The following CHL1 variants were observed in gnomAD, a reference collection of about 807,000 sequenced individuals.
CHL1 encodes the protein cell adhesion molecule L1 like.
A neutral mutation model predicts 141.9 loss-of-function variants in CHL1; 96 were observed. The observed-to-expected ratio is 0.68, with a 90% CI of 0.57 to 0.80. CHL1 has a LOEUF of 0.80. CHL1 is among the 30% of genes least tolerant of loss of function. The pLI is 0.00. For missense variants in CHL1, 1,820 were observed against 1,457.2 expected (o/e 1.25, Z -4.05); for synonymous variants, 613 against 502.2 (o/e 1.22, Z -2.95).
chr3:313,506 A>G (rs1226772852), intron 2 of CHL1, among the ~76,000 whole-genome samples: 2 of 152,196 alleles, frequency 1.3e-5, no homozygotes, highest in African/African-American at 4.8e-5. Context: ...TAGAGCCATT[A>G]GAGAACCATA....
At chr3:233,225 C>A (rs1574796280) in intron 1 of CHL1, among the ~76,000 whole-genome samples, 1 of 152,152 alleles carries the variant, frequency 6.6e-6, no homozygotes, top group African/African-American at 2.4e-5. Context: ...TGCGATCCAA[C>A]TTTTCAGCCT....
chr3:251,847 T>G (rs1317415136), intron 2 of CHL1, among the ~76,000 whole-genome samples: 1 of 152,172 alleles, frequency 6.6e-6, no homozygotes, highest in African/African-American at 2.4e-5. Context: ...AAAAAGCCTT[T>G]AAAGTGTTTC....
At chr3:275,199 G>C (rs1226145696) in intron 2 of CHL1, among the ~76,000 whole-genome samples, 1 of 152,194 alleles carries the variant, frequency 6.6e-6, no homozygotes, top group African/African-American at 2.4e-5. Flanking sequence ...GCTGCTAAGT[G>C]GTAGGGGTCA....
At chr3:293,515 A>T (rs751059691) in intron 2 of CHL1, among the ~76,000 whole-genome samples, 8 of 152,166 alleles carry the variant, frequency 5.3e-5, no homozygotes, top group Admixed American at 2.0e-4. Context: ...AAAAAATTTT[A>T]AAAAAACCCT....
intron 1 of CHL1, among the ~76,000 whole-genome samples, chr3:203,176 A>G (rs866279255): frequency 2.4e-4 from 37 of 152,392 alleles, no homozygotes; most frequent in South Asian, 8.3e-4. Flanking sequence ...AAGAGGCACC[A>G]TAGTCTATAT....
chr3:356,184 G>C (rs943457908), intron 11 of CHL1, among the ~76,000 whole-genome samples: 2 of 152,158 alleles, frequency 1.3e-5, no homozygotes, highest in African/African-American at 4.8e-5. Flanking sequence ...ATAATAATGA[G>C]GTTTTGGGTA....
intron 2 of CHL1, among the ~76,000 whole-genome samples, chr3:304,674 A>T (rs1010742451): frequency 6.6e-6 from 1 of 151,580 alleles, no homozygotes; most frequent in Non-Finnish European, 1.5e-5. Context: ...TATTTTGTTG[A>T]GTTTTTCAAT....
At chr3:238,763 A>G (rs1157665948) in intron 1 of CHL1, among the ~76,000 whole-genome samples, 4 of 55,942 alleles carry the variant, frequency 7.2e-5, no homozygotes, top group African/African-American at 1.6e-4. Context: ...CGTCTCTACT[A>G]AAAATACAAA....
intron 20 of CHL1, among the ~76,000 whole-genome samples, chr3:389,845 G>C (rs1355696664): frequency 6.6e-6 from 1 of 152,136 alleles, no homozygotes; most frequent in Non-Finnish European, 1.5e-5. Flanking sequence ...AGAGCCACTT[G>C]CTCTCATGCC....
intron 27 of CHL1, among the ~76,000 whole-genome samples, chr3:403,254 A>G (rs978344449): frequency 2.6e-5 from 4 of 152,186 alleles, no homozygotes; most frequent in South Asian, 4.1e-4. Context: ...GCCAGGGAGC[A>G]AGAGAGAGCA....
At chr3:349,256 A>G (rs1405141915) in intron 9 of CHL1, 103 bp from the exon 10 acceptor site, 1 of 908,462 alleles carries the variant, frequency 1.1e-6, no homozygotes, top group East Asian at 2.6e-5. Flanking sequence ...GAATATGAGC[A>G]CATGTGTAAA....
chr3:212,757 T>C (rs1700006027), intron 1 of CHL1, among the ~76,000 whole-genome samples: 1 of 152,176 alleles, frequency 6.6e-6, no homozygotes, highest in Non-Finnish European at 1.5e-5. Flanking sequence ...AGCTCACTGC[T>C]CTTGTCTTCT....
chr3:205,105 T>TTTCC lies in CHL1; in HGVS notation c.-175+8044_-175+8045insCCTT, dbSNP rs1553567132. Reference sequence around the variant, plus strand: ...TTTTTCCTTTTTCTTTCTTTCTTTCTTTTTTTTTTTTTTTGGAGATAGGGT... The same window carrying TTTCC: ...TTTTTCCTTTTTCTTTCTTTCTTTCTTTCCTTTTTTTTTTTTTTGGAGATAGGGT... On this transcript the variant is annotated intron_variant, in intron 1 of 27. Coordinates refer to ENST00000256509, the MANE Select transcript of CHL1 (RefSeq NM_006614.4). 6.3e-3 allele frequency among the ~76,000 whole-genome samples: 17 copies of TTTCC among 2,712 alleles called. 2 individuals are homozygous for TTTCC. Among genetic ancestry groups the TTTCC allele is most frequent in the East Asian group, 0.083 (2 of 24 alleles). 1.8% of individuals were successfully genotyped at this position (2,712 alleles called of 152,430 possible). A position where few individuals can be genotyped will look rare whatever the true frequency, so the allele number is the denominator to read the frequency against.
chr3:242,441 A>C (rs12374186), intron 1 of CHL1, among the ~76,000 whole-genome samples: 77,134 of 130,298 alleles, frequency 0.59, 24,003 homozygotes, highest in East Asian at 0.75. Flanking sequence ...CTAAAAATAC[A>C]AAAAATTATC....
chr3:219,376 T>C (rs1305920877), intron 1 of CHL1, among the ~76,000 whole-genome samples: 1 of 152,132 alleles, frequency 6.6e-6, no homozygotes, highest in Non-Finnish European at 1.5e-5. Context: ...GACACATTCA[T>C]ATGTATGTTC....
intron 15 of CHL1, among the ~76,000 whole-genome samples, chr3:368,750 C>A (rs891101502): frequency 6.6e-6 from 1 of 152,068 alleles, no homozygotes; most frequent in African/African-American, 2.4e-5. Context: ...GTCTTTAATT[C>A]ATCTTGAATT....
intron 2 of CHL1, among the ~76,000 whole-genome samples, chr3:319,338 G>T (rs330901): frequency 0.036 from 5,386 of 151,484 alleles, 337 homozygotes; most frequent in African/African-American, 0.12. Flanking sequence ...ATTTACCTAT[G>T]TAACAAACCT....
At chr3:403,117 C>T (rs1316301437) in intron 27 of CHL1, among the ~76,000 whole-genome samples, 1 of 152,162 alleles carries the variant, frequency 6.6e-6, no homozygotes, top group East Asian at 1.9e-4. Flanking sequence ...GATATAGTTC[C>T]ATACAGGCTG....
At chr3:295,306 A>G (rs17021336) in intron 2 of CHL1, among the ~76,000 whole-genome samples, 5,057 of 152,302 alleles carry the variant, frequency 0.033, 282 homozygotes, top group African/African-American at 0.11. Context: ...CAGAGAGCAC[A>G]TAGTATTTAA....
Sources: gnomAD v4.1 joint callset for allele counts (sites outside exome capture counted in the v4.1 genomes callset) on GRCh38, gnomAD v4.1.1 for gene constraint, MANE v1.5 for transcripts, NCBI Gene and HGNC (gene_info 2026-07-23, HGNC 2026-07-21) for gene names.